The following SGSH variants were observed in gnomAD, a reference collection of about 807,000 sequenced individuals.
SGSH encodes the protein N-sulfoglucosamine sulfohydrolase.
A neutral mutation model predicts 51.0 loss-of-function variants in SGSH; 48 were observed. The ratio of observed to expected loss-of-function variants is 0.94; its 90% CI spans 0.75 to 1.20. The LOEUF (loss-of-function observed/expected upper bound fraction) is 1.20. Ranked by LOEUF, SGSH falls within the 50% of genes most tolerant of loss-of-function variation. The pLI is 0.00. For synonymous variants in SGSH, 321 were observed against 313.4 expected, an observed-to-expected ratio of 1.02 and a Z score of -0.26; for missense variants, 662 against 717.8, an observed-to-expected ratio of 0.92 and a Z score of 0.89.
downstream of SGSH, chr17:80,204,582 C>T (rs1430554749): frequency 1.6e-4 from 69 of 424,752 alleles, no homozygotes; most frequent in East Asian, 2.6e-3. Context: ...CGAGATGGTG[C>T]CATTGCACTC....
At chr17:80,204,647 A>C, downstream of SGSH, 1 of 372,356 alleles carries the variant, frequency 2.7e-6, no homozygotes, top group Non-Finnish European at 4.9e-6. Flanking sequence ...AAATTTCAGG[A>C]GAGGAGTACA....
rs747675274 is a variant in SGSH at position 80,214,342 on chromosome 17, G to A, written c.507-14C>T. On this transcript the variant is annotated splice_polypyrimidine_tract_variant and intron_variant, in intron 4 of 7. Coordinates refer to ENST00000326317, the MANE Select transcript of SGSH (RefSeq NM_000199.5). ...AGGAAGAAAGGCCTGCACGGGAGGAGGCTCATTGCCAAGGCTGCGGGGCCA... is the reference window on the plus strand; with the variant it reads ...AGGAAGAAAGGCCTGCACGGGAGGAAGCTCATTGCCAAGGCTGCGGGGCCA... The A allele has an allele frequency of 2.4e-5, 38 of 1,610,218 alleles. No homozygotes were observed. Among genetic ancestry groups the A allele is most frequent in the Non-Finnish European group, 3.2e-5 (38 of 1,178,310 alleles).
rs1240953762 is a variant in SGSH, at chr17:80,214,770, G to A, written c.356-5C>T. Reference sequence around the variant, plus strand: ...CGTGCTTCTTCCCGATGATGCCTGGGCGGGAAGAGAGGCCTGGCCAGAGTC... The same window carrying A: ...CGTGCTTCTTCCCGATGATGCCTGGACGGGAAGAGAGGCCTGGCCAGAGTC... On this transcript the variant is annotated splice_region_variant and splice_polypyrimidine_tract_variant and intron_variant, in intron 3 of 7. Transcript: ENST00000326317. The A allele has an allele frequency of 6.2e-7, 1 of 1,610,404 alleles. No individual in the cohort carries two copies. The highest frequency in any genetic ancestry group is 1.1e-5 in the South Asian group (1 of 91,088).
chr17:80,205,961 C>T (rs934991419), downstream of SGSH: 10 of 231,176 alleles, frequency 4.3e-5, no homozygotes, highest in African/African-American at 1.8e-4. Flanking sequence ...AAGGCGCAAA[C>T]GCGTGAAAAG....
In SGSH at chr17:80,215,235, C is replaced by G. The variant is rs921580423; in HGVS notation, c.250-97G>C. 95 of 853,026 alleles carry G rather than the reference C, an allele frequency of 1.1e-4. 1 individual carries two copies. The highest frequency in any genetic ancestry group is 2.0e-5 in the Admixed American group (1 of 50,392). The allele number at this position is 853,026 out of a possible 1,614,324, so 52.8% of individuals were successfully genotyped here. On this transcript the variant is annotated intron_variant, in intron 2 of 7. Coordinates refer to ENST00000326317, the MANE Select transcript of SGSH (RefSeq NM_000199.5). The stretch of plus-strand genomic sequence containing the variant: ...CGGCCCTCCCATCCCCAGGGGCCTT[C>G]TCGGGGCCCTGATTTAGACTTCGAG...
downstream of SGSH, chr17:80,205,135 G>T: frequency 6.2e-7 from 1 of 1,613,754 alleles, no homozygotes; most frequent in East Asian, 2.2e-5. Context: ...TGCTCCTCGT[G>T]CCCAGGGCGG....
At chr17:80,208,090 G>A (rs2041441941), downstream of SGSH, 1 of 1,401,366 alleles carries the variant, frequency 7.1e-7, no homozygotes, top group South Asian at 1.5e-5. Context: ...GGGCTCCTGG[G>A]CCCTTGCTCT....
At chr17:80,204,538 C>T (rs1171903018), downstream of SGSH, 5 of 492,844 alleles carry the variant, frequency 1.0e-5, no homozygotes, top group Admixed American at 3.5e-5. Flanking sequence ...GCAGGAGAAT[C>T]GCCTGAACCC....
Position 80,212,663 on chromosome 17 carries a change from A to G in SGSH, c.746-389T>C. 1 of 358,164 alleles carries G rather than the reference A, an allele frequency of 2.8e-6. No homozygotes were observed. The highest frequency in any genetic ancestry group is 5.4e-6 in the Non-Finnish European group (1 of 184,632). 22.2% of individuals were successfully genotyped at this position (358,164 alleles called of 1,614,324 possible). ...TACTCGCTCCTTCCCAGCTGGGGCC[A>G]GAGGACAAGGCTTCCTCTATACCCG... On this transcript the variant is annotated intron_variant, in intron 6 of 7. Coordinates refer to ENST00000326317, the MANE Select transcript of SGSH (RefSeq NM_000199.5). This position sits in a 1 kb window ranked among gnomAD's most constrained non-coding sequence, Gnocchi z 5.9.
chr17:80,211,680 C>T (rs2041672229), intron 7 of SGSH: 2 of 352,964 alleles, frequency 5.7e-6, no homozygotes, highest in South Asian at 2.3e-5. Flanking sequence ...ATCGGCATCA[C>T]CTGGGAACTT....
chr17:80,205,381 G>A, downstream of SGSH: 1 of 1,191,488 alleles, frequency 8.4e-7, no homozygotes, highest in South Asian at 1.5e-5. Context: ...ACAGAGCGGG[G>A]TGTGCAGGGT....
chr17:80,207,038 C>T (rs752794881), downstream of SGSH: 10 of 1,613,958 alleles, frequency 6.2e-6, no homozygotes, highest in East Asian at 2.0e-4. Flanking sequence ...ACATCTTCCC[C>T]ATCGTCATCC....
chr17:80,200,781 C>T, the SGSH span: 1 of 159,208 alleles, frequency 6.3e-6, no homozygotes, highest in Non-Finnish European at 1.4e-5. Context: ...TGTTTTCCTG[C>T]AACTAGACGG....
At chr17:80,211,077 C>G (rs2041641219) in intron 7 of SGSH, 66 bp from the exon 8 acceptor site, 1 of 1,585,120 alleles carries the variant, frequency 6.3e-7, no homozygotes, top group Admixed American at 1.7e-5. Flanking sequence ...CTCGGAAGGG[C>G]CGAACCTACG....
At chr17:80,207,218 C>A, downstream of SGSH, 3 of 616,256 alleles carry the variant, frequency 4.9e-6, no homozygotes, top group South Asian at 6.0e-5. Context: ...CGTTTCCGCA[C>A]AACTTTGGGA....
downstream of SGSH, chr17:80,205,094 C>G: frequency 1.2e-6 from 2 of 1,612,662 alleles, no homozygotes; most frequent in Non-Finnish European, 1.7e-6. Context: ...TACCCTGGTG[C>G]GGCCCCATCG....
downstream of SGSH, chr17:80,205,113 G>A (rs183322775): frequency 1.4e-5 from 23 of 1,613,580 alleles, no homozygotes; most frequent in South Asian, 5.5e-5. Context: ...CGACCCGCCC[G>A]GCCCCGGCCT....
chr17:80,219,494 T>C (rs1411748080), intron 1 of SGSH, among the ~76,000 whole-genome samples: 1 of 152,240 alleles, frequency 6.6e-6, no homozygotes, highest in Non-Finnish European at 1.5e-5. Context: ...CTCTGCTGTG[T>C]TTCTGGGAGG....
intron 4 of SGSH, 106 bp from the exon 5 acceptor site, chr17:80,214,434 C>T: frequency 7.2e-7 from 1 of 1,379,702 alleles, no homozygotes; most frequent in Non-Finnish European, 9.9e-7. Context: ...CAACCTGTGA[C>T]CCTCACTGCC....
Sources: allele counts gnomAD v4.1 joint callset (sites outside exome capture counted in the v4.1 genomes callset), GRCh38; gene constraint gnomAD v4.1.1; non-coding constraint Gnocchi (gnomAD v3.1); transcripts MANE v1.5; gene names NCBI Gene and HGNC (gene_info 2026-07-23, HGNC 2026-07-21).